Variants in SCRIB observed in about 807,000 individuals in gnomAD.
SCRIB encodes scribble planar cell polarity protein, also known as protein scribble homolog.
Under a neutral mutation model 170.0 loss-of-function variants are expected in SCRIB, and 72 were observed. That is an observed-to-expected ratio of 0.42 (90% CI 0.35 to 0.52). The LOEUF (loss-of-function observed/expected upper bound fraction) is 0.52. SCRIB is among the 20% of genes least tolerant of loss of function. The pLI is 0.02. For missense variants in SCRIB, 2,475 were observed against 2,338.5 expected, an observed-to-expected ratio of 1.06 and a Z score of -1.20; for synonymous variants, 1,298 against 1,044.3, an observed-to-expected ratio of 1.24 and a Z score of -4.68.
At position 143,792,590 on chromosome 8, in the gene SCRIB, G is replaced by C; in HGVS notation, c.4223C>G (p.Ala1408Gly). 1 of 1,586,540 alleles carries C rather than the reference G, an allele frequency of 6.3e-7. No individual in the cohort carries two copies. Among genetic ancestry groups the C allele is most frequent in the Non-Finnish European group, 8.5e-7 (1 of 1,173,750 alleles). Reference protein sequence around the residue: ...QKRAQMLREAAEAGAEARLAL... With the variant: ...QKRAQMLREAGEAGAEARLAL... ...GAGCCTCGCTTCGGCCCCAGCCTCT[G>C]CCGCCTCCCGCAGCATCTGCGCTCT... The change falls in exon 31 of 37, where the codon GCA becomes GGA. Residue 1408 changes from alanine to glycine, a missense_variant. Physicochemically the swap from Ala to Gly is moderately conservative, Grantham distance 60. This residue lies in a region of SCRIB where 1,966 missense variants were observed against 1,742.9 expected (regional missense o/e 1.13). Transcript: ENST00000356994.
chr8:143,794,289 TG>T (rs1814839684), intron 27 of SCRIB: 1 of 348,896 alleles, frequency 2.9e-6, no homozygotes, highest in African/African-American at 2.0e-5. Context: ...GAGGTGATGG[TG>T]GGGAGCCCCT....
At chr8:143,806,827 G>T in intron 17 of SCRIB, 97 bp downstream of exon 17, 1 of 899,640 alleles carries the variant, frequency 1.1e-6, no homozygotes, top group Non-Finnish European at 1.7e-6. Context: ...CCCAGAGCGT[G>T]TGAGTGTTCT....
rs1554635566 is a variant in SCRIB at position 143,803,763 on chromosome 8, C to T, written c.3298G>A (p.Glu1100Lys). Reference sequence around the variant, plus strand: ...CCAGGTGCCTTCTGGATGCACAGTTCCCGTAGGCCCGGGGGTGCCGGGTCC... The same window carrying T: ...CCAGGTGCCTTCTGGATGCACAGTTTCCGTAGGCCCGGGGGTGCCGGGTCC... The part of the protein sequence containing the change: ...RRDPAPPGLR[E>K]LCIQKAPGER... Residue 1100 changes from glutamate (E) to lysine (K), a missense_variant, in exon 23 of 37, where the codon GAA becomes AAA. By Grantham distance (56) the Glu-to-Lys change is moderately conservative. Coordinates refer to ENST00000356994, the MANE Select transcript of SCRIB (RefSeq NM_182706.5). 6.2e-7 allele frequency: 1 copy of T among 1,601,356 alleles called. No individual in the cohort carries two copies. The highest frequency in any genetic ancestry group is 8.5e-7 in the Non-Finnish European group (1 of 1,179,290).
Position 143,791,131 on chromosome 8 carries a change from C to A in SCRIB, c.*32G>T. On this transcript the variant is annotated 3_prime_UTR_variant, in exon 37 of 37. Transcript: ENST00000356994. ...GGTGGTGCTGGAGCTGGCAGGGCCC[C>A]CACCCCAAGTCTGGGGGAGGTGCCT... The A allele has an allele frequency of 7.2e-7, 1 of 1,386,658 alleles. No homozygotes were observed. The allele number at this position is 1,386,658 out of a possible 1,614,324, so 85.9% of individuals were successfully genotyped here. A position where few individuals can be genotyped will look rare whatever the true frequency, so the allele number is the denominator to read the frequency against.
chr8:143,811,069 C>T lies in SCRIB; in HGVS notation c.1110G>A (p.Leu370=). ...LHVLDVAGNR[L]QSLPFALTHL... is the part of the protein sequence containing the mutation. Reference sequence around the variant, plus strand: ...GGGTGAGCGCGAACGGCAGACTCTGCAGGCTGCGGGCCGGGCGGGCACAGT... The same window carrying T: ...GGGTGAGCGCGAACGGCAGACTCTGTAGGCTGCGGGCCGGGCGGGCACAGT... The change falls in exon 11 of 37, where the codon CTG becomes CTA. Residue 370 remains leucine, a synonymous_variant. Transcript: ENST00000356994. 1 of 1,611,028 alleles carries T rather than the reference C, an allele frequency of 6.2e-7. No individual in the cohort carries two copies. Among genetic ancestry groups the T allele is most frequent in the Non-Finnish European group, 8.5e-7 (1 of 1,179,142 alleles).
Position 143,803,365 on chromosome 8 carries a change from CGGGGCGGGAT to C in SCRIB, c.3603+8_3603+17del. 1 of 1,541,620 alleles carries C rather than the reference CGGGGCGGGAT, an allele frequency of 6.5e-7. No homozygotes were observed. The highest frequency in any genetic ancestry group is 8.7e-7 in the Non-Finnish European group (1 of 1,144,220). ...CTGGGCCAGAGGGAGGCCCGGTCCC[CGGGGCGGGAT>C]CGCTAACCTCCAGGGCTGCGTCGGT... On this transcript the variant is annotated splice_region_variant and intron_variant, in intron 24 of 36. Transcript: ENST00000356994.
chr8:143,799,375 A>T (rs1815078278), intron 24 of SCRIB, among the ~76,000 whole-genome samples: 1 of 152,230 alleles, frequency 6.6e-6, no homozygotes, highest in Non-Finnish European at 1.5e-5. Flanking sequence ...CCTGACCAGT[A>T]GTCAGAAGCT....
Position 143,792,406 on chromosome 8 carries a change from C to A in SCRIB, c.4329-1G>T. 6.7e-7 allele frequency: 1 copy of A among 1,500,938 alleles called. No individual in the cohort carries two copies. Among genetic ancestry groups the A allele is most frequent in the Non-Finnish European group, 8.9e-7 (1 of 1,128,286 alleles). 93.0% of individuals were successfully genotyped at this position (1,500,938 alleles called of 1,614,324 possible). On this transcript the variant is annotated splice_acceptor_variant, in intron 31 of 36. Transcript: ENST00000356994. LOFTEE classifies it high-confidence loss of function. Reference sequence around the variant, plus strand: ...GGGTGGGGGGGACGCCGGGCTCTGCCTGGGGAAGGGACAGGACGTGCTGTG... The same window carrying A: ...GGGTGGGGGGGACGCCGGGCTCTGCATGGGGAAGGGACAGGACGTGCTGTG...
rs753383025 is a variant in SCRIB at position 143,812,335 on chromosome 8, G to A, written c.837C>T (p.Cys279=). 81 of 1,613,562 alleles carry A rather than the reference G, an allele frequency of 5.0e-5. No individual in the cohort carries two copies. In the East Asian group the frequency reaches 1.1e-3, roughly 23 times the overall value. Residue 279 remains cysteine (C), a synonymous_variant, in exon 9 of 37, where the codon TGC becomes TGT. Coordinates refer to ENST00000356994, the MANE Select transcript of SCRIB (RefSeq NM_182706.5). ...AGTCCCCGATGGCCTCGGTCACCTC[G>A]CACAGCCGATTCTGGTCTACCTTTA... ...SILKVDQNRL[C]EVTEAIGDCE...
intron 13 of SCRIB, among the ~76,000 whole-genome samples, 165 bp downstream of exon 13, chr8:143,810,314 A>G (rs746650285): frequency 2.6e-5 from 4 of 151,120 alleles, no homozygotes; most frequent in African/African-American, 4.9e-5. Context: ...GGCACCCTTC[A>G]CCCAGCTGGC....
rs749425895 is a variant in SCRIB, at chr8:143,810,891, T to C, written c.1273+15A>G. 21 of 1,610,518 alleles carry C rather than the reference T, an allele frequency of 1.3e-5. No homozygotes were observed. In the African/African-American group the frequency reaches 2.3e-4, roughly 17 times the overall value. On this transcript the variant is annotated intron_variant, in intron 11 of 36. Transcript: ENST00000356994. ...AGAGCCACCCCGCGCTAAGCACCGG[T>C]TGCCAACAACCTACCGAGGCTGGGT...
Position 143,804,701 on chromosome 8 carries a change from A to C in SCRIB, c.2876T>G (p.Leu959Arg). 6.3e-7 allele frequency: 1 copy of C among 1,575,522 alleles called. No homozygotes were observed. Among genetic ancestry groups the C allele is most frequent in the Non-Finnish European group, 8.6e-7 (1 of 1,158,550 alleles). Residue 959 changes from leucine to arginine, a missense_variant, in exon 21 of 37, where the codon CTG becomes CGG. Physicochemically the swap from Leu to Arg is moderately radical, Grantham distance 102 (BLOSUM62 -2). Transcript: ENST00000356994. ...AGCGGTGGGGGGTGAGGAATGTGGC[A>C]GAGGGCTGGGAGGAAGAGGGCCCCC... is the stretch of plus-strand genomic sequence containing the variant. ...EAGGPLPPSP[L>R]PHSSPPTAAV...
Position 143,811,047 on chromosome 8 carries a change from T to C in SCRIB, c.1132A>G (p.Thr378Ala), listed in dbSNP as rs1319748728. The change falls in exon 11 of 37, where the codon ACC (threonine) becomes GCC (alanine). Residue 378 changes from threonine (T) to alanine (A), a missense_variant. By Grantham distance (58) the Thr-to-Ala change is moderately conservative. Around this residue, in one of 3 missense-constraint regions of SCRIB, gnomAD observed 487 missense variants for 558.1 expected, o/e 0.87. Transcript: ENST00000356994. ...NRLQSLPFAL[T>A]HLNLKALWLA... ...CACAGGGCCTTGAGATTGAGGTGGG[T>C]GAGCGCGAACGGCAGACTCTGCAGG... The C allele has an allele frequency of 1.2e-6, 2 of 1,612,202 alleles. No individual in the cohort carries two copies. Among genetic ancestry groups the C allele is most frequent in the Admixed American group, 3.3e-5 (2 of 59,884 alleles).
chr8:143,812,214 G>T, intron 9 of SCRIB, 52 bp downstream of exon 9: 2 of 1,205,170 alleles, frequency 1.7e-6, no homozygotes, highest in South Asian at 2.4e-5. Flanking sequence ...CCCTGTCCTT[G>T]TTCTGCACCC....
chr8:143,804,117 T>G lies in SCRIB; in HGVS notation c.3049A>C (p.Ser1017Arg), dbSNP rs782111163. The change falls in exon 22 of 37, where the codon AGT (serine) becomes CGT (arginine). Residue 1017 changes from serine (S) to arginine (R), a missense_variant. By Grantham distance (110) the Ser-to-Arg change is moderately radical. Around this residue, in one of 3 missense-constraint regions of SCRIB, gnomAD observed 1,966 missense variants for 1,742.9 expected, o/e 1.13. Transcript: ENST00000356994. ...GAATGGTCGGAGCCTCCGACAATAC[T>G]AAGCCCCAGAGGGCCCCCAGCTCTT... ...LPRAGGPLGLSIVGGSDHSSH... is the reference protein window; with the variant it reads ...LPRAGGPLGLRIVGGSDHSSH... 1 of 1,612,672 alleles carries G rather than the reference T, an allele frequency of 6.2e-7. No homozygotes were observed.
rs775225774 is a variant in SCRIB at position 143,813,517 on chromosome 8, G to A, written c.456C>T (p.Asn152=). ...ALPGDVGNLA[N]LVTLELRENL... is the part of the protein sequence containing the mutation. Reference sequence around the variant, plus strand: ...TCTCCCGGAGCTCCAGGGTCACCAGGTTGGCGAGGCTGAAAGAGAGACCAG... The same window carrying A: ...TCTCCCGGAGCTCCAGGGTCACCAGATTGGCGAGGCTGAAAGAGAGACCAG... The change falls in exon 5 of 37, where the codon AAC becomes AAT. Residue 152 remains asparagine (N), a synonymous_variant. Coordinates refer to ENST00000356994, the MANE Select transcript of SCRIB (RefSeq NM_182706.5). 2.4e-5 allele frequency: 39 copies of A among 1,613,164 alleles called. No individual in the cohort carries two copies. Among genetic ancestry groups the A allele is most frequent in the Non-Finnish European group, 3.2e-5 (38 of 1,180,004 alleles).
chr8:143,814,178 C>T (rs866638561), intron 1 of SCRIB, 60 bp from the exon 2 acceptor site: 16 of 1,376,260 alleles, frequency 1.2e-5, no homozygotes, highest in Middle Eastern at 2.2e-4. Flanking sequence ...GAGAAGAGCT[C>T]CTGGACACGT....
At position 143,803,635 on chromosome 8, in the gene SCRIB, G is replaced by C. The variant is rs1554635500; in HGVS notation, c.3414+12C>G. 17 of 1,532,904 alleles carry C rather than the reference G, an allele frequency of 1.1e-5. No individual in the cohort carries two copies. The highest frequency in any genetic ancestry group is 1.4e-5 in the Non-Finnish European group (16 of 1,139,944). The allele number at this position is 1,532,904 out of a possible 1,614,324, so 95.0% of individuals were successfully genotyped here. A position where few individuals can be genotyped will look rare whatever the true frequency, so the allele number is the denominator to read the frequency against. On this transcript the variant is annotated intron_variant, in intron 23 of 36. Transcript: ENST00000356994. ...GTGGGGCCCAGGGCGGGCTGGGGTGGGGGGGGCTCACCTTGGAGATGAAGA... is the reference window on the plus strand; with the variant it reads ...GTGGGGCCCAGGGCGGGCTGGGGTGCGGGGGGCTCACCTTGGAGATGAAGA...
intron 15 of SCRIB, 52 bp downstream of exon 15, chr8:143,808,557 C>G: frequency 6.7e-7 from 1 of 1,486,298 alleles, no homozygotes; most frequent in Non-Finnish European, 8.9e-7. Context: ...GCCCTGGGTG[C>G]CCAGGAGGGC....
Sources: allele counts gnomAD v4.1 joint callset (sites outside exome capture counted in the v4.1 genomes callset), GRCh38; gene constraint gnomAD v4.1.1; regional missense constraint gnomAD v4.1.1; transcripts MANE v1.5; gene names NCBI Gene and HGNC (gene_info 2026-07-23, HGNC 2026-07-21).